SHE: variants seen among roughly 807,000 people sequenced by gnomAD.
SHE encodes the protein SH2 domain-containing adapter protein E.
SHE carries 11 observed loss-of-function variants against 49.8 expected under a neutral mutation model. The ratio of observed to expected loss-of-function variants is 0.22; its 90% CI spans 0.14 to 0.37. SHE has a LOEUF of 0.37. Among genes scored for constraint, SHE ranks in the 10% least tolerant of loss-of-function variants. The pLI, the probability that SHE is intolerant of heterozygous loss-of-function variation, is 1.00. For synonymous variants in SHE, 310 were observed against 278.1 expected (o/e 1.11, Z -1.14); for missense variants, 624 against 655.5 (o/e 0.95, Z 0.52).
intron 2 of SHE, among the ~76,000 whole-genome samples, chr1:154,493,272 C>A (rs573218267): frequency 2.0e-5 from 3 of 152,336 alleles, no homozygotes; most frequent in African/African-American, 7.2e-5. Context: ...CCACACCACC[C>A]CCCTCTTCAA....
chr1:154,496,968 A>G (rs553515199), intron 2 of SHE, among the ~76,000 whole-genome samples: 3 of 152,150 alleles, frequency 2.0e-5, no homozygotes, highest in Non-Finnish European at 4.4e-5. Flanking sequence ...CTTTTCCTCA[A>G]TTTTATGTAA....
chr1:154,484,232 G>A lies in SHE; in HGVS notation c.1405C>T (p.His469Tyr), dbSNP rs777672227. ...GGCAACTTTTCATTGGAATAATAGT[G>A]TACCACTTCAGGGATGCTGTCAAAC... Reference protein sequence around the residue: ...AVFDSIPEVVHYYSNEKLPFK... With the variant: ...AVFDSIPEVVYYYSNEKLPFK... Residue 469 changes from histidine (H) to tyrosine (Y), a missense_variant, in exon 6 of 6, where the codon CAC (histidine) becomes TAC (tyrosine). Physicochemically the swap from His to Tyr is moderately conservative, Grantham distance 83. Coordinates refer to ENST00000304760, the MANE Select transcript of SHE (RefSeq NM_001010846.3). 2.5e-6 allele frequency: 4 copies of A among 1,614,174 alleles called. No individual in the cohort carries two copies. Among genetic ancestry groups the A allele is most frequent in the Non-Finnish European group, 3.4e-6 (4 of 1,180,032 alleles).
chr1:154,484,403 G>A lies in SHE; in HGVS notation c.1302-68C>T. On this transcript the variant is annotated intron_variant, in intron 5 of 5. Transcript: ENST00000304760. ...GGATCCCTCCCCACTGAAAACAATT[G>A]CAGCCAGATTCACACTAGGTTGATA... 2.2e-6 allele frequency: 3 copies of A among 1,381,650 alleles called. No homozygotes were observed. The South Asian group carries it at 3.8e-5, about 18-fold the overall frequency. The allele number at this position is 1,381,650 out of a possible 1,614,324, so 85.6% of individuals were successfully genotyped here.
chr1:154,494,527 G>GT (rs199901392), intron 2 of SHE, among the ~76,000 whole-genome samples: 425 of 126,374 alleles, frequency 3.4e-3, no homozygotes, highest in Middle Eastern at 8.3e-3. Flanking sequence ...GGAGTTTATA[G>GT]TTTTTTTTTT....
intron 2 of SHE, among the ~76,000 whole-genome samples, chr1:154,498,653 C>T (rs1274110823): frequency 6.6e-6 from 1 of 152,102 alleles, no homozygotes; most frequent in East Asian, 1.9e-4. Flanking sequence ...CCGCCTCTCT[C>T]CCAAAGTGCT....
chr1:154,478,597 T>C (rs115544571), downstream of SHE, among the ~76,000 whole-genome samples: 4,107 of 152,256 alleles, frequency 0.027, 179 homozygotes, highest in African/African-American at 0.093. Flanking sequence ...TTAAATGAGA[T>C]GCTGTATGAT....
Position 154,480,338 on chromosome 1 carries a change from A to G in SHE, c.*3811T>C. The stretch of plus-strand genomic sequence containing the variant: ...TGGAAGGAGGGAGAAACAAGGGGCT[A>G]ACCTTTGACTGAAAAAGGGCATCTG... On this transcript the variant is annotated 3_prime_UTR_variant, in exon 6 of 6. Coordinates refer to ENST00000304760, the MANE Select transcript of SHE (RefSeq NM_001010846.3). The G allele has an allele frequency of 1.0e-6, 1 of 985,460 alleles. No individual in the cohort carries two copies. The highest frequency in any genetic ancestry group is 1.2e-6 in the Non-Finnish European group (1 of 829,932). The allele number at this position is 985,460 out of a possible 1,614,324, so 61.0% of individuals were successfully genotyped here.
exon 2 of SHE, chr1:154,470,044 A>G: frequency 3.0e-6 from 1 of 329,452 alleles, no homozygotes; most frequent in Non-Finnish European, 6.0e-6. Context: ...ACTCCACTCA[A>G]AGCTGGACTG....
Position 154,502,147 on chromosome 1 carries a change from G to T in SHE, c.-121C>A. 1 of 795,600 alleles carries T rather than the reference G, an allele frequency of 1.3e-6. No homozygotes were observed. The highest frequency in any genetic ancestry group is 1.6e-6 in the Non-Finnish European group (1 of 608,052). The allele number at this position is 795,600 out of a possible 1,614,324, so 49.3% of individuals were successfully genotyped here. A position where few individuals can be genotyped will look rare whatever the true frequency, so the allele number is the denominator to read the frequency against. ...GTTCTCACGGCTCGGGGCGCCGAGC[G>T]GGCGGGCGCTAGCCTCTGCTCCGGA... On this transcript the variant is annotated 5_prime_UTR_variant, in exon 1 of 6. Coordinates refer to ENST00000304760, the MANE Select transcript of SHE (RefSeq NM_001010846.3).
intron 3 of SHE, 123 bp from the exon 4 acceptor site, chr1:154,486,806 C>T (rs1375345350): frequency 9.6e-7 from 1 of 1,043,982 alleles, no homozygotes; most frequent in Non-Finnish European, 1.4e-6. Flanking sequence ...TTAACATTAA[C>T]TATAATATAC....
At chr1:154,486,349 T>C (rs746510474) in intron 4 of SHE, among the ~76,000 whole-genome samples, 178 bp downstream of exon 4, 10 of 152,212 alleles carry the variant, frequency 6.6e-5, no homozygotes, top group Non-Finnish European at 1.3e-4. Flanking sequence ...TGAGATGCAG[T>C]GCACTTTCCA....
chr1:154,480,708 T>C lies in SHE; in HGVS notation c.*3441A>G. On this transcript the variant is annotated 3_prime_UTR_variant, in exon 6 of 6. Transcript: ENST00000304760. ...TGACACTTCTGCCCCCAACAGAGAG[T>C]AGATATATCAATATTTACCTTTTTG... The C allele has an allele frequency of 2.0e-6, 2 of 985,246 alleles. No homozygotes were observed. Among genetic ancestry groups the C allele is most frequent in the Non-Finnish European group, 2.4e-6 (2 of 829,906 alleles). 61.0% of individuals were successfully genotyped at this position (985,246 alleles called of 1,614,324 possible).
chr1:154,480,140 A>G lies in SHE; in HGVS notation c.*4009T>C, dbSNP rs1691980925. The G allele has an allele frequency of 1.0e-6, 1 of 985,338 alleles. No homozygotes were observed. Among genetic ancestry groups the G allele is most frequent in the Non-Finnish European group, 1.2e-6 (1 of 829,950 alleles). 61.0% of individuals were successfully genotyped at this position (985,338 alleles called of 1,614,324 possible). ...GTGGGGCACAAAAATTGGAAATGAG[A>G]ATACAGAAGAGTGATTCTAACCAGG... is the stretch of plus-strand genomic sequence containing the variant. On this transcript the variant is annotated 3_prime_UTR_variant, in exon 6 of 6. Coordinates refer to ENST00000304760, the MANE Select transcript of SHE (RefSeq NM_001010846.3).
intron 2 of SHE, among the ~76,000 whole-genome samples, chr1:154,493,749 A>G (rs958860951): frequency 9.2e-5 from 14 of 152,248 alleles, no homozygotes; most frequent in East Asian, 1.9e-4. Context: ...GTAGTTAGCA[A>G]TAAGTATTGC....
downstream of SHE, among the ~76,000 whole-genome samples, chr1:154,474,631 A>G (rs1188290412): frequency 6.6e-6 from 1 of 152,092 alleles, no homozygotes; most frequent in Non-Finnish European, 1.5e-5. Context: ...CAGCCTCCTG[A>G]GTAGCTGGGA....
At position 154,501,698 on chromosome 1, in the gene SHE, C is replaced by T. The variant is rs770861394; in HGVS notation, c.329G>A (p.Gly110Asp). ...DSRLSRDSLQGLIQAAAGKGR... is the reference protein window; with the variant it reads ...DSRLSRDSLQDLIQAAAGKGR... ...CTTGCCCGCGGCGGCCTGAATCAGA[C>T]CCTGCAGGCTGTCGCGGGACAGCCG... The change falls in exon 1 of 6, where the codon GGT becomes GAT. Residue 110 changes from glycine to aspartate, a missense_variant. By Grantham distance (94) the Gly-to-Asp change is moderately conservative. Transcript: ENST00000304760. 1 of 1,611,712 alleles carries T rather than the reference C, an allele frequency of 6.2e-7. No homozygotes were observed. The highest frequency in any genetic ancestry group is 2.2e-5 in the East Asian group (1 of 44,802).
intron 1 of SHE, among the ~76,000 whole-genome samples, chr1:154,470,713 A>ATG (rs1691721193): frequency 3.3e-5 from 5 of 152,134 alleles, no homozygotes; most frequent in Admixed American, 3.3e-4. Context: ...GGTGGCGGGC[A>ATG]CCTGTAATCC....
downstream of SHE, among the ~76,000 whole-genome samples, chr1:154,476,352 A>C (rs1691875567): frequency 6.6e-6 from 1 of 152,002 alleles, no homozygotes; most frequent in Admixed American, 6.6e-5. Flanking sequence ...CTCAAAAATA[A>C]AGTAAAATCA....
At chr1:154,490,133 A>C (rs191723619) in intron 2 of SHE, among the ~76,000 whole-genome samples, 2 of 152,368 alleles carry the variant, frequency 1.3e-5, no homozygotes, top group East Asian at 3.9e-4. Context: ...CATTAGTCAG[A>C]GTTCTTGACT....
Sources: gnomAD v4.1 joint callset for allele counts (sites outside exome capture counted in the v4.1 genomes callset) on GRCh38, gnomAD v4.1.1 for gene constraint, MANE v1.5 for transcripts, NCBI Gene and HGNC (gene_info 2026-07-23, HGNC 2026-07-21) for gene names.